C5orf63: variants seen among roughly 807,000 people sequenced by gnomAD.
C5orf63 encodes the protein glutaredoxin-like protein C5orf63.
A neutral mutation model predicts 13.3 loss-of-function variants in C5orf63; 18 were observed. The ratio of observed to expected loss-of-function variants is 1.36; its 90% confidence interval spans 0.94 to 2.01. The LOEUF is 2.01. Ranked by LOEUF, C5orf63 falls within the 30% of genes most tolerant of loss-of-function variation. The probability of loss-of-function intolerance (pLI) is 0.00; values close to 1 mark genes in which losing one functional copy is unlikely to be tolerated. For missense variants in C5orf63, 118 were observed against 127.7 expected (o/e 0.92, Z 0.36); for synonymous variants, 38 against 44.7 (o/e 0.85, Z 0.60).
At chr5:127,047,179 C>T (rs1020895116), downstream of C5orf63, 1 of 153,722 alleles carries the variant, frequency 6.5e-6, no homozygotes, top group Non-Finnish European at 1.4e-5. Context: ...AACTATTCCA[C>T]TCCTTCATAA....
intron 2 of C5orf63, among the ~76,000 whole-genome samples, chr5:127,070,306 T>A (rs552622292): frequency 2.0e-5 from 3 of 152,276 alleles, no homozygotes; most frequent in East Asian, 1.9e-4. Context: ...CAAAGAGTTT[T>A]AAAAAAATCA....
downstream of C5orf63, among the ~76,000 whole-genome samples, chr5:127,048,724 T>C (rs1306237306): frequency 6.6e-6 from 1 of 152,186 alleles, no homozygotes; most frequent in African/African-American, 2.4e-5. Context: ...AAATACTGTT[T>C]CACCTTTAGT....
intron 3 of C5orf63, among the ~76,000 whole-genome samples, chr5:127,055,620 GT>G (rs1382069277): frequency 1.3e-5 from 2 of 152,070 alleles, no homozygotes; most frequent in African/African-American, 4.8e-5. Flanking sequence ...GGCTTATCAT[GT>G]TATTATTAGC....
At chr5:127,055,013 T>C (rs934482543) in intron 3 of C5orf63, among the ~76,000 whole-genome samples, 1 of 152,218 alleles carries the variant, frequency 6.6e-6, no homozygotes, top group African/African-American at 2.4e-5. Context: ...CCATTGCTTG[T>C]TTTTGTCAGG....
exon 5 of C5orf63, chr5:127,045,855 T>C (rs1170844971): frequency 1.3e-5 from 2 of 152,224 alleles, no homozygotes; most frequent in Non-Finnish European, 2.9e-5. Context: ...TTTGTTGTTT[T>C]ATCCCCAGTG....
At chr5:127,052,549 A>G in intron 4 of C5orf63, 64 bp downstream of exon 4, 1 of 1,111,178 alleles carries the variant, frequency 9.0e-7, no homozygotes, top group Non-Finnish European at 1.2e-6. Flanking sequence ...GGATCCAGGC[A>G]GATACTTTAT....
intron 2 of C5orf63, among the ~76,000 whole-genome samples, chr5:127,060,300 G>A (rs1754052158): frequency 6.6e-6 from 1 of 152,148 alleles, no homozygotes; most frequent in South Asian, 2.1e-4. Flanking sequence ...ATACACAAAT[G>A]TACTTGTGTT....
chr5:127,045,740 G>C (rs1300329717), exon 5 of C5orf63: 1 of 152,140 alleles, frequency 6.6e-6, no homozygotes, highest in Non-Finnish European at 1.5e-5. Context: ...TCTGGGAAAA[G>C]CTCCTCCCTG....
downstream of C5orf63, among the ~76,000 whole-genome samples, chr5:127,048,637 T>C (rs569159125): frequency 4.6e-5 from 7 of 152,282 alleles, no homozygotes; most frequent in South Asian, 1.4e-3. Flanking sequence ...TCTTAGTGCC[T>C]TAGCCAGTAC....
At chr5:127,044,842 T>G (rs1458042364), downstream of C5orf63, 1 of 148,672 alleles carries the variant, frequency 6.7e-6, no homozygotes, top group African/African-American at 2.5e-5. Context: ...CTCGAACTCC[T>G]GGGCTCAAGC....
intron 2 of C5orf63, among the ~76,000 whole-genome samples, chr5:127,070,435 A>C (rs1418627797): frequency 6.6e-6 from 1 of 152,198 alleles, no homozygotes; most frequent in Non-Finnish European, 1.5e-5. Context: ...AGTTGTAACA[A>C]TGCGATTTCT....
At chr5:127,049,467 C>G (rs143145155), downstream of C5orf63, among the ~76,000 whole-genome samples, 25 of 152,202 alleles carry the variant, frequency 1.6e-4, no homozygotes, top group Admixed American at 5.2e-4. Flanking sequence ...GTCTAATTTT[C>G]TGTGAATCAT....
chr5:127,072,901 G>T (rs529836520), intron 1 of C5orf63, among the ~76,000 whole-genome samples: 2 of 152,324 alleles, frequency 1.3e-5, no homozygotes, highest in South Asian at 2.1e-4. Flanking sequence ...TCAGTACCCA[G>T]AGGGCTGCTT....
At chr5:127,058,630 A>G (rs951236791) in intron 3 of C5orf63, 6 of 379,008 alleles carry the variant, frequency 1.6e-5, no homozygotes, top group Non-Finnish European at 2.8e-5. Flanking sequence ...TTTAAACACC[A>G]TATTATAACC....
intron 2 of C5orf63, among the ~76,000 whole-genome samples, chr5:127,066,762 A>G (rs1242419664): frequency 6.6e-6 from 1 of 152,128 alleles, no homozygotes; most frequent in African/African-American, 2.4e-5. Flanking sequence ...AGGTGAAATC[A>G]TCTAAAATTG....
intron 2 of C5orf63, 149 bp from the exon 3 acceptor site, chr5:127,059,151 G>C: frequency 1.6e-6 from 1 of 623,684 alleles, no homozygotes; most frequent in Non-Finnish European, 2.8e-6. Context: ...CTATAAATTT[G>C]GCAAGTCTCT....
At chr5:127,046,726 T>C (rs1280010072), downstream of C5orf63, 3 of 152,232 alleles carry the variant, frequency 2.0e-5, no homozygotes, top group African/African-American at 7.2e-5. Flanking sequence ...GGTTGTAAAA[T>C]ATAAGCTGAG....
intron 2 of C5orf63, among the ~76,000 whole-genome samples, chr5:127,066,587 G>C (rs1245387819): frequency 1.3e-5 from 2 of 152,084 alleles, no homozygotes; most frequent in Non-Finnish European, 2.9e-5. Flanking sequence ...ACTGAGGCAA[G>C]AACAGATTGA....
chr5:127,070,238 T>C (rs1754486571), intron 2 of C5orf63, among the ~76,000 whole-genome samples: 1 of 152,220 alleles, frequency 6.6e-6, no homozygotes. Flanking sequence ...CTGAGTTTTC[T>C]ATTAAATAAT....
Sources: gnomAD v4.1 joint callset for allele counts (sites outside exome capture counted in the v4.1 genomes callset) on GRCh38, gnomAD v4.1.1 for gene constraint, MANE v1.5 for transcripts, NCBI Gene and HGNC (gene_info 2026-07-23, HGNC 2026-07-21) for gene names.